Variants in MAGED1 observed in about 807,000 individuals in gnomAD.
MAGED1 encodes the protein melanoma-associated antigen D1.
Under a neutral mutation model 54.1 loss-of-function variants are expected in MAGED1, and 3 were observed. The ratio of observed to expected loss-of-function variants is 0.06; its 90% confidence interval spans 0.03 to 0.14. The LOEUF is 0.14. Ranked by LOEUF, MAGED1 falls within the 10% of genes least tolerant of loss-of-function variation. The pLI, the probability that MAGED1 is intolerant of heterozygous loss-of-function variation, is 1.00. For synonymous variants in MAGED1, 217 were observed against 227.3 expected, an observed-to-expected ratio of 0.95 and a Z score of 0.41; for missense variants, 485 against 623.4, an observed-to-expected ratio of 0.78 and a Z score of 2.36.
In MAGED1 at chrX:51,895,601, G is replaced by A; in HGVS notation, c.594G>A (p.Gln198=). 1 of 1,211,851 alleles carries A rather than the reference G, an allele frequency of 8.3e-7. No homozygotes were observed. Among genetic ancestry groups the A allele is most frequent in the Non-Finnish European group, 1.1e-6 (1 of 895,555 alleles). Residue 198 remains glutamine (Q), a synonymous_variant, in exon 3 of 13, where the codon CAG becomes CAA. Coordinates refer to ENST00000326587, the MANE Select transcript of MAGED1 (RefSeq NM_006986.4). Reference sequence around the variant, plus strand: ...CCCCAACAGCTGATACCCAGACCCAGAATGTAAATCAGGCCAAAATGGCCA... The same window carrying A: ...CCCCAACAGCTGATACCCAGACCCAAAATGTAAATCAGGCCAAAATGGCCA... The part of the protein sequence containing the change: ...TKAPTADTQT[Q]NVNQAKMATS...
At chrX:51,836,727 ACGCCCGG>A (rs1287197294) in intron 1 of MAGED1, among the ~76,000 whole-genome samples, 1 of 109,043 alleles carries the variant, frequency 9.2e-6, no homozygotes, top group East Asian at 2.9e-4. Context: ...TGCACCACCT[ACGCCCGG>A]CTAGTTTTTT....
intron 1 of MAGED1, among the ~76,000 whole-genome samples, chrX:51,853,616 G>A (rs1926973957): frequency 8.9e-6 from 1 of 112,527 alleles, no homozygotes; most frequent in Non-Finnish European, 1.9e-5. Context: ...CCTTAGGACA[G>A]AAGTTGCTTC....
chrX:51,850,333 C>G (rs1557359673), intron 1 of MAGED1, among the ~76,000 whole-genome samples: 2 of 112,131 alleles, frequency 1.8e-5, no homozygotes, highest in African/African-American at 6.5e-5. Context: ...TTTGGAAATT[C>G]CAACAGAACT....
At chrX:51,837,678 T>A (rs1217114445) in intron 1 of MAGED1, among the ~76,000 whole-genome samples, 1 of 112,082 alleles carries the variant, frequency 8.9e-6, no homozygotes, top group Non-Finnish European at 1.9e-5. Flanking sequence ...TATTAACGCA[T>A]GAGAGGCCCA....
chrX:51,896,674 A>G lies in MAGED1; in HGVS notation c.1019A>G (p.Asn340Ser). ...TGGCAGAACCCAGTCGCTTGGCAGA[A>G]CCCAGTGATTTGGCCAAACCCAGTA... The part of the protein sequence containing the change: ...PAWQNPVAWQ[N>S]PVIWPNPVIW... The change falls in exon 4 of 13, where the codon AAC (asparagine) becomes AGC (serine). Residue 340 changes from asparagine to serine, a missense_variant. Physicochemically the swap from Asn to Ser is conservative, Grantham distance 46. Around this residue, in one of 2 missense-constraint regions of MAGED1, gnomAD observed 299 missense variants for 293.1 expected, o/e 1.02. Coordinates refer to ENST00000326587, the MANE Select transcript of MAGED1 (RefSeq NM_006986.4). The G allele has an allele frequency of 1.7e-6, 2 of 1,211,696 alleles. No individual in the cohort carries two copies. Among genetic ancestry groups the G allele is most frequent in the Non-Finnish European group, 2.2e-6 (2 of 895,439 alleles).
intron 1 of MAGED1, among the ~76,000 whole-genome samples, chrX:51,842,080 C>T (rs1409564841): frequency 8.9e-6 from 1 of 112,052 alleles, no homozygotes; most frequent in Non-Finnish European, 1.9e-5. Flanking sequence ...TGATTTGTTA[C>T]CCTAGTAATA....
At chrX:51,878,078 C>A (rs1927937724) in intron 1 of MAGED1, among the ~76,000 whole-genome samples, 1 of 111,335 alleles carries the variant, frequency 9.0e-6, no homozygotes, top group African/African-American at 3.3e-5. Flanking sequence ...TTTTCCAGTG[C>A]AAATCAAAGA....
At chrX:51,886,368 C>A (rs782613085) in intron 1 of MAGED1, among the ~76,000 whole-genome samples, 2 of 110,658 alleles carry the variant, frequency 1.8e-5, no homozygotes, top group African/African-American at 6.6e-5. Context: ...AAGATCATAC[C>A]CTGATGAGAT....
chrX:51,821,656 C>T (rs1557356538), intron 1 of MAGED1, among the ~76,000 whole-genome samples: 2 of 111,933 alleles, frequency 1.8e-5, no homozygotes, highest in South Asian at 3.7e-4. Context: ...TCCCAAAGTG[C>T]TAGGATTACA....
chrX:51,900,404 C>T (rs782053530), intron 11 of MAGED1, 108 bp downstream of exon 11: 33 of 542,618 alleles, frequency 6.1e-5, no homozygotes, highest in East Asian at 1.2e-4. Flanking sequence ...TGGTAGGTGC[C>T]GCATTGCTGG....
intron 1 of MAGED1, among the ~76,000 whole-genome samples, chrX:51,811,977 A>G (rs1229372221): frequency 2.7e-5 from 3 of 110,442 alleles, no homozygotes; most frequent in African/African-American, 9.9e-5. Flanking sequence ...CATGTAATTG[A>G]CTTAAACATG....
chrX:51,845,099 G>A (rs1336650612), intron 1 of MAGED1, among the ~76,000 whole-genome samples: 1 of 110,930 alleles, frequency 9.0e-6, no homozygotes, highest in Non-Finnish European at 1.9e-5. Context: ...GGGCATGGTG[G>A]TGCGTGCCTG....
intron 1 of MAGED1, among the ~76,000 whole-genome samples, chrX:51,883,015 G>A (rs968631030): frequency 9.0e-6 from 1 of 111,269 alleles, no homozygotes; most frequent in African/African-American, 3.3e-5. Context: ...AACAATGACC[G>A]CTCTATTGTA....
intron 1 of MAGED1, among the ~76,000 whole-genome samples, chrX:51,804,464 A>G (rs1924961010): frequency 8.9e-6 from 1 of 112,231 alleles, no homozygotes; most frequent in Non-Finnish European, 1.9e-5. Context: ...AATCATTATT[A>G]CACAGCATTT....
chrX:51,874,775 T>C (rs1927808171), intron 1 of MAGED1, among the ~76,000 whole-genome samples: 1 of 110,899 alleles, frequency 9.0e-6, no homozygotes, highest in African/African-American at 3.3e-5. Context: ...TTTGGATTGA[T>C]TGATTTTTCT....
upstream of MAGED1, among the ~76,000 whole-genome samples, chrX:51,892,740 C>T (rs951333017): frequency 9.0e-6 from 1 of 111,539 alleles, no homozygotes; most frequent in Non-Finnish European, 1.9e-5. Context: ...GAGGGGTACC[C>T]TTAGTCCCCA....
intron 1 of MAGED1, among the ~76,000 whole-genome samples, chrX:51,832,459 C>T (rs1488114341): frequency 9.0e-6 from 1 of 111,133 alleles, no homozygotes; most frequent in African/African-American, 3.3e-5. Context: ...CCCACTTTAT[C>T]TCTCCCTCTC....
chrX:51,836,721 C>A lies in MAGED1; in HGVS notation c.-37+33604C>A, dbSNP rs188968662. 3.2e-3 allele frequency among the ~76,000 whole-genome samples: 357 copies of A among 109,985 alleles called. 1 individual carries two copies. The highest frequency in any genetic ancestry group is 5.2e-3 in the Non-Finnish European group (274 of 52,681). The stretch of plus-strand genomic sequence containing the variant: ...GAGTAGCTGGGACTACAGGCATGCA[C>A]CACCTACGCCCGGCTAGTTTTTTTT... On this transcript the variant is annotated intron_variant, in intron 1 of 12. Transcript: ENST00000375772.
chrX:51,870,810 G>A (rs1315786168), intron 1 of MAGED1: 6 of 112,649 alleles, frequency 5.3e-5, no homozygotes, highest in African/African-American at 6.5e-5. Context: ...AAGCAAGCAC[G>A]GCTTTTCTTA....
Sources: gnomAD v4.1 joint callset for allele counts (sites outside exome capture counted in the v4.1 genomes callset) on GRCh38, gnomAD v4.1.1 for gene constraint, gnomAD v4.1.1 regional missense constraint, MANE v1.5 for transcripts, NCBI Gene and HGNC (gene_info 2026-07-23, HGNC 2026-07-21) for gene names.